The following GAB2 variants were observed in gnomAD, a reference collection of about 807,000 sequenced individuals.
GAB2 encodes the protein GRB2-associated-binding protein 2.
A neutral mutation model predicts 65.5 loss-of-function variants in GAB2; 26 were observed. The observed-to-expected ratio is 0.40, with a 90% CI of 0.29 to 0.55. GAB2 has a LOEUF of 0.55. Among genes scored for constraint, GAB2 ranks in the 20% least tolerant of loss-of-function variants. The pLI is 0.53. For missense variants in GAB2, 884 were observed against 875.8 expected (o/e 1.01, Z -0.12); for synonymous variants, 321 against 329.6 (o/e 0.97, Z 0.28).
chr11:78,320,345 GTA>G (rs1367342508), intron 1 of GAB2, among the ~76,000 whole-genome samples: 4 of 152,096 alleles, frequency 2.6e-5, no homozygotes, highest in Non-Finnish European at 2.9e-5. Context: ...TAAGAAACAG[GTA>G]ATTATGATAA....
intron 1 of GAB2, among the ~76,000 whole-genome samples, chr11:78,318,509 G>A (rs1370182616): frequency 1.3e-5 from 2 of 152,072 alleles, no homozygotes; most frequent in African/African-American, 2.4e-5. Context: ...GCATAGATGA[G>A]GATAGATTAA....
intron 6 of GAB2, among the ~76,000 whole-genome samples, chr11:78,222,664 C>T (rs1435638748): frequency 1.7e-4 from 26 of 151,982 alleles, no homozygotes. Flanking sequence ...CTCACTGCAA[C>T]CTCTGCCTCC....
At chr11:78,241,522 A>G in intron 3 of GAB2, among the ~76,000 whole-genome samples, 1 of 152,204 alleles carries the variant, frequency 6.6e-6, no homozygotes, top group Non-Finnish European at 1.5e-5. Flanking sequence ...CCTTAAGAAA[A>G]CTCAATGAGG....
chr11:78,301,640 G>C (rs866703056), intron 1 of GAB2, among the ~76,000 whole-genome samples: 1 of 152,120 alleles, frequency 6.6e-6, no homozygotes, highest in Admixed American at 6.6e-5. Context: ...GTCTTTAGTG[G>C]TATCTTTTAA....
chr11:78,216,716 CAG>C lies in GAB2; in HGVS notation c.*2554_*2555del, dbSNP rs1489571346. On this transcript the variant is annotated 3_prime_UTR_variant, in exon 10 of 10. Transcript: ENST00000361507. ...AGGTCCACTCACATCATGGCACACT[CAG>C]AACATGCTCACATGTTTATGGGAGG... 3 of 152,312 alleles carry C rather than the reference CAG, an allele frequency of 2.0e-5. No individual in the cohort carries two copies. Among genetic ancestry groups the C allele is most frequent in the African/African-American group, 7.2e-5 (3 of 41,456 alleles). 9.4% of individuals were successfully genotyped at this position (152,312 alleles called of 1,614,324 possible).
Position 78,368,906 on chromosome 11 carries a change from A to G in GAB2, c.75+48740T>C, listed in dbSNP as rs867280121. Among the ~76,000 whole-genome samples, 25 of 152,130 alleles carry G rather than the reference A, an allele frequency of 1.6e-4. No individual in the cohort carries two copies. The Middle Eastern group carries it at 0.017, about 103-fold the overall frequency. On this transcript the variant is annotated intron_variant, in intron 1 of 9. Coordinates refer to ENST00000361507, the MANE Select transcript of GAB2 (RefSeq NM_080491.3). ...AGCCTGGGAAACACAGCGAGACCCCATCGCTACAAACAAATTTTTTAAAAA... is the reference window on the plus strand; with the variant it reads ...AGCCTGGGAAACACAGCGAGACCCCGTCGCTACAAACAAATTTTTTAAAAA...
At position 78,225,116 on chromosome 11, in the gene GAB2, A is replaced by G. The variant is rs765313725; in HGVS notation, c.1294T>C (p.Ser432Pro). Residue 432 changes from serine to proline, a missense_variant, in exon 5 of 10, where the codon TCT (serine) becomes CCT (proline). Coordinates refer to ENST00000361507, the MANE Select transcript of GAB2 (RefSeq NM_080491.3). ...SAESMSDGVGSFLPGKMIVGR... is the reference protein window; with the variant it reads ...SAESMSDGVGPFLPGKMIVGR... Reference sequence around the variant, plus strand: ...GGTTAACCCACACTCACCAGGAAAGAGCCAACTCCATCACTCATGGATTCA... The same window carrying G: ...GGTTAACCCACACTCACCAGGAAAGGGCCAACTCCATCACTCATGGATTCA... The G allele has an allele frequency of 6.8e-6, 11 of 1,610,030 alleles. No individual in the cohort carries two copies. The highest frequency in any genetic ancestry group is 1.1e-5 in the South Asian group (1 of 91,012).
At chr11:78,259,304 G>T (rs1309447599) in intron 2 of GAB2, among the ~76,000 whole-genome samples, 1 of 152,198 alleles carries the variant, frequency 6.6e-6, no homozygotes, top group African/African-American at 2.4e-5. Flanking sequence ...CTGTTGGCCT[G>T]ACACTTGTCC....
At chr11:78,236,922 G>A (rs1358132806) in intron 3 of GAB2, among the ~76,000 whole-genome samples, 4 of 152,052 alleles carry the variant, frequency 2.6e-5, no homozygotes, top group African/African-American at 7.2e-5. Flanking sequence ...ACACACATAC[G>A]TATTTAGTTG....
intron 1 of GAB2, among the ~76,000 whole-genome samples, chr11:78,367,959 G>T (rs568858171): frequency 6.6e-6 from 1 of 151,186 alleles, no homozygotes; most frequent in Admixed American, 6.6e-5. Flanking sequence ...TGGGACTACC[G>T]GCACCCGCCA....
chr11:78,396,979 C>T (rs1196465560), intron 1 of GAB2, among the ~76,000 whole-genome samples: 1 of 152,034 alleles, frequency 6.6e-6, no homozygotes, highest in Admixed American at 6.5e-5. Context: ...ATACATAGCA[C>T]ATATAAATAC....
At chr11:78,318,617 C>T (rs1439756427) in intron 1 of GAB2, among the ~76,000 whole-genome samples, 2 of 152,066 alleles carry the variant, frequency 1.3e-5, no homozygotes, top group Admixed American at 6.6e-5. Flanking sequence ...CCTCAAGCAG[C>T]TCCCACAGAT....
At chr11:78,300,540 T>TAAAAAAAAAAAA (rs1866973731) in intron 1 of GAB2, among the ~76,000 whole-genome samples, 1 of 40,830 alleles carries the variant, frequency 2.4e-5, no homozygotes, top group African/African-American at 8.6e-5. Context: ...AACAAAAAAC[T>TAAAAAAAAAAAA]ACCACATTGT....
chr11:78,253,485 G>T (rs1452428790), intron 2 of GAB2, among the ~76,000 whole-genome samples: 1 of 152,154 alleles, frequency 6.6e-6, no homozygotes, highest in Admixed American at 6.5e-5. Flanking sequence ...GTAGAGACAG[G>T]ATCTCACTAT....
intron 1 of GAB2, among the ~76,000 whole-genome samples, chr11:78,356,829 T>G (rs935979433): frequency 6.6e-6 from 1 of 152,234 alleles, no homozygotes; most frequent in Non-Finnish European, 1.5e-5. Context: ...TTAAAAGGAA[T>G]GGCATTCTGA....
chr11:78,349,733 C>T (rs1856246445), intron 1 of GAB2, among the ~76,000 whole-genome samples: 1 of 151,812 alleles, frequency 6.6e-6, no homozygotes, highest in African/African-American at 2.4e-5. Flanking sequence ...TTCAAAGCAG[C>T]TTGGGAGAGT....
At position 78,327,741 on chromosome 11, in the gene GAB2, A is replaced by T. The variant is rs186556259; in HGVS notation, c.76-46840T>A. 5.4e-3 allele frequency among the ~76,000 whole-genome samples: 818 copies of T among 152,326 alleles called. 7 individuals carry two copies. The highest frequency in any genetic ancestry group is 0.027 in the Middle Eastern group (8 of 294). On this transcript the variant is annotated intron_variant, in intron 1 of 9. Transcript: ENST00000361507. ...TTGAAAATAATAATACATTTAAAAA[A>T]ATCAGGATTTAAGGGCAAGACAGCT...
intron 1 of GAB2, among the ~76,000 whole-genome samples, chr11:78,367,374 G>A (rs116472640): frequency 6.6e-6 from 1 of 152,332 alleles, no homozygotes; most frequent in African/African-American, 2.4e-5. Flanking sequence ...GTATGTGTGC[G>A]TGCGTGCATG....
intron 1 of GAB2, among the ~76,000 whole-genome samples, chr11:78,370,725 A>ATATGTGTGTGTG (rs1554995540): frequency 2.3e-3 from 343 of 148,900 alleles, no homozygotes; most frequent in African/African-American, 8.2e-3. Context: ...GTGTGTGTGT[A>ATATGTGTGTGTG]TGTGTGTGTG....
Sources: gnomAD v4.1 joint callset for allele counts (sites outside exome capture counted in the v4.1 genomes callset) on GRCh38, gnomAD v4.1.1 for gene constraint, MANE v1.5 for transcripts, NCBI Gene and HGNC (gene_info 2026-07-23, HGNC 2026-07-21) for gene names.